The following NCAM2 variants were observed in gnomAD, a reference collection of about 807,000 sequenced individuals.
NCAM2 encodes the protein neural cell adhesion molecule 2.
A neutral mutation model predicts 98.1 loss-of-function variants in NCAM2; 30 were observed. That is an observed-to-expected ratio of 0.31 (90% CI 0.23 to 0.41). The LOEUF is 0.41. Ranked by LOEUF, NCAM2 falls within the 10% of genes least tolerant of loss-of-function variation. NCAM2 has a pLI of 1.00. For synonymous variants in NCAM2, 368 were observed against 342.4 expected (o/e 1.07, Z -0.83); for missense variants, 867 against 1,005.8 (o/e 0.86, Z 1.87).
At chr21:21,521,766 T>C (rs1307961050) in intron 16 of NCAM2, among the ~76,000 whole-genome samples, 1 of 151,486 alleles carries the variant, frequency 6.6e-6, no homozygotes, top group Non-Finnish European at 1.5e-5. Flanking sequence ...GAACATAATA[T>C]CCAAGAACCA....
chr21:21,022,018 AAC>A (rs1568935631), intron 1 of NCAM2, among the ~76,000 whole-genome samples: 1 of 152,144 alleles, frequency 6.6e-6, no homozygotes. Flanking sequence ...TGAAAACAGT[AAC>A]ACAAGAAATT....
intron 8 of NCAM2, among the ~76,000 whole-genome samples, chr21:21,343,350 TATACACATACAC>T (rs202161845): frequency 1.3e-5 from 1 of 78,094 alleles, no homozygotes; most frequent in African/African-American, 5.3e-5. Flanking sequence ...AACAACTATC[TATACACATACAC>T]ACACACACAC....
intron 1 of NCAM2, among the ~76,000 whole-genome samples, chr21:21,201,856 G>C (rs191408801): frequency 5.5e-4 from 83 of 152,250 alleles, no homozygotes; most frequent in African/African-American, 1.9e-3. Flanking sequence ...GGAATTTTTA[G>C]AAATCTGAAT....
At chr21:21,035,142 G>T (rs2064771564) in intron 1 of NCAM2, among the ~76,000 whole-genome samples, 2 of 152,088 alleles carry the variant, frequency 1.3e-5, no homozygotes, top group Non-Finnish European at 2.9e-5. Context: ...ATAAACAAGG[G>T]ACCAGGTTAA....
chr21:21,372,179 A>G (rs1303356723), intron 8 of NCAM2, among the ~76,000 whole-genome samples: 2 of 151,850 alleles, frequency 1.3e-5, no homozygotes, highest in Non-Finnish European at 1.5e-5. Context: ...TTTAGTTGCA[A>G]ATAAACTCAA....
intron 1 of NCAM2, among the ~76,000 whole-genome samples, chr21:21,002,305 C>T (rs1165163459): frequency 2.0e-5 from 3 of 151,982 alleles, no homozygotes; most frequent in Non-Finnish European, 4.4e-5. Context: ...TTCAATGACA[C>T]AGGGAGCTAA....
At chr21:21,325,168 G>A (rs1342152584) in intron 6 of NCAM2, among the ~76,000 whole-genome samples, 2 of 152,060 alleles carry the variant, frequency 1.3e-5, no homozygotes, top group Non-Finnish European at 2.9e-5. Flanking sequence ...GGACCATCTT[G>A]TAAATATGCA....
intron 11 of NCAM2, among the ~76,000 whole-genome samples, chr21:21,429,714 G>A (rs527479061): frequency 6.6e-5 from 10 of 152,286 alleles, no homozygotes; most frequent in Admixed American, 6.5e-5. Flanking sequence ...CTTAAAATTT[G>A]TATTTCCAGA....
chr21:21,422,084 GT>G (rs146056288), intron 11 of NCAM2, among the ~76,000 whole-genome samples: 13,478 of 152,124 alleles, frequency 0.089, 697 homozygotes, highest in East Asian at 0.15. Flanking sequence ...TGGAAGGAGT[GT>G]TGCAGGGGTC....
chr21:21,120,565 G>A (rs1352542917), intron 1 of NCAM2, among the ~76,000 whole-genome samples: 1 of 152,056 alleles, frequency 6.6e-6, no homozygotes, highest in African/African-American at 2.4e-5. Context: ...GGGGGACGCT[G>A]CTTCGGCAGA....
At chr21:21,530,099 T>TTA in intron 16 of NCAM2, among the ~76,000 whole-genome samples, 1 of 126,198 alleles carries the variant, frequency 7.9e-6, no homozygotes, top group Admixed American at 8.2e-5. Context: ...TTTAATTTAA[T>TTA]TATATATAAT....
chr21:21,412,462 G>A (rs766338225), intron 10 of NCAM2, among the ~76,000 whole-genome samples: 5 of 130,868 alleles, frequency 3.8e-5, no homozygotes, highest in Non-Finnish European at 7.0e-5. Flanking sequence ...GTAAATGACA[G>A]ACTAATGTGT....
chr21:21,151,645 T>C (rs1012776069), intron 1 of NCAM2, among the ~76,000 whole-genome samples: 2 of 152,098 alleles, frequency 1.3e-5, no homozygotes, highest in Non-Finnish European at 2.9e-5. Flanking sequence ...TCTTGTGAAA[T>C]GATTCTTATT....
chr21:21,297,729 C>T (rs1176128947), intron 5 of NCAM2, among the ~76,000 whole-genome samples: 1 of 91,456 alleles, frequency 1.1e-5, no homozygotes, highest in East Asian at 2.2e-4. Context: ...ACACACTGTA[C>T]TACTCAAAAA....
intron 1 of NCAM2, among the ~76,000 whole-genome samples, chr21:21,186,368 A>G (rs2068641389): frequency 6.6e-6 from 1 of 152,152 alleles, no homozygotes; most frequent in African/African-American, 2.4e-5. Flanking sequence ...AATTAGTTCA[A>G]GTCAACAAAA....
intron 12 of NCAM2, among the ~76,000 whole-genome samples, chr21:21,453,032 AAAT>A (rs1981544651): frequency 9.4e-6 from 1 of 105,892 alleles, no homozygotes. Flanking sequence ...TAATATATAA[AAAT>A]AATATATACA....
chr21:21,119,678 T>C (rs1436252501), intron 1 of NCAM2, among the ~76,000 whole-genome samples: 1 of 152,170 alleles, frequency 6.6e-6, no homozygotes, highest in Non-Finnish European at 1.5e-5. Context: ...GAAGATTTGT[T>C]TATGAAGTCT....
intron 1 of NCAM2, among the ~76,000 whole-genome samples, chr21:21,236,976 A>G (rs116907194): frequency 0.021 from 3,249 of 152,126 alleles, 47 homozygotes; most frequent in Non-Finnish European, 0.031. Context: ...TATTTTCAAC[A>G]TTTTTCTGTC....
At chr21:21,187,056 C>T (rs1442889924) in intron 1 of NCAM2, among the ~76,000 whole-genome samples, 4 of 151,848 alleles carry the variant, frequency 2.6e-5, no homozygotes, top group African/African-American at 9.7e-5. Flanking sequence ...ATGGTGAAAC[C>T]CCGTCTCTAT....
Sources: allele counts gnomAD v4.1 joint callset (sites outside exome capture counted in the v4.1 genomes callset), GRCh38; gene constraint gnomAD v4.1.1; transcripts MANE v1.5; gene names NCBI Gene and HGNC (gene_info 2026-07-23, HGNC 2026-07-21).